FSHR: variants seen among roughly 807,000 people sequenced by gnomAD.
FSHR encodes the protein follicle-stimulating hormone receptor.
In FSHR, 46 loss-of-function variants were observed where a neutral mutation model predicts 52.1. That is an observed-to-expected ratio of 0.88 (90% CI 0.70 to 1.13). The LOEUF is 1.13. Ranked by LOEUF, FSHR falls within the 50% of genes most tolerant of loss-of-function variation. FSHR has a pLI of 0.00. For synonymous variants in FSHR, 399 were observed against 309.6 expected (o/e 1.29, Z -3.03); for missense variants, 964 against 834.6 (o/e 1.16, Z -1.91).
chr2:48,967,861 G>A (rs1018491787), intron 9 of FSHR, among the ~76,000 whole-genome samples: 2 of 152,330 alleles, frequency 1.3e-5, no homozygotes, highest in African/African-American at 4.8e-5. Flanking sequence ...ATTAGTTCTA[G>A]GCTAGTATAT....
At chr2:49,115,717 G>A (rs1266750380) in intron 1 of FSHR, among the ~76,000 whole-genome samples, 1 of 152,180 alleles carries the variant, frequency 6.6e-6, no homozygotes, top group Non-Finnish European at 1.5e-5. Context: ...TGCATCATTA[G>A]TAAGAATCAG....
At chr2:49,102,758 C>G (rs542226832) in intron 1 of FSHR, among the ~76,000 whole-genome samples, 1 of 151,732 alleles carries the variant, frequency 6.6e-6, no homozygotes, top group Admixed American at 6.6e-5. Flanking sequence ...GAGTTGTATC[C>G]GAAATAATAA....
chr2:49,007,349 G>T (rs1458778985), intron 4 of FSHR, among the ~76,000 whole-genome samples: 1 of 152,080 alleles, frequency 6.6e-6, no homozygotes, highest in African/African-American at 2.4e-5. Context: ...TGTGTGGATT[G>T]TTGAGGTTCA....
chr2:49,033,218 T>A (rs1446764650), intron 2 of FSHR, among the ~76,000 whole-genome samples: 1 of 152,118 alleles, frequency 6.6e-6, no homozygotes, highest in Non-Finnish European at 1.5e-5. Context: ...TAAAGAGAGC[T>A]AGAGATGTGC....
intron 1 of FSHR, among the ~76,000 whole-genome samples, chr2:49,118,005 C>A (rs193059641): frequency 5.9e-5 from 9 of 152,316 alleles, no homozygotes; most frequent in African/African-American, 1.2e-4. Flanking sequence ...GAACTACAAA[C>A]TGGTGTATGG....
intron 2 of FSHR, among the ~76,000 whole-genome samples, chr2:49,022,214 C>G (rs1366376575): frequency 1.3e-5 from 2 of 152,018 alleles, no homozygotes; most frequent in East Asian, 1.9e-4. Context: ...GACATATGTC[C>G]TTGCCGAAGT....
chr2:49,068,361 T>C (rs924240401), intron 1 of FSHR, 71 bp from the exon 2 acceptor site: 1 of 1,275,372 alleles, frequency 7.8e-7, no homozygotes. Flanking sequence ...AATGTATTCA[T>C]ATCAGCAAAC....
chr2:49,098,994 C>T (rs551957918), intron 1 of FSHR, among the ~76,000 whole-genome samples: 175 of 151,134 alleles, frequency 1.2e-3, no homozygotes, highest in African/African-American at 4.0e-3. Context: ...CAGGACTTGG[C>T]GATTCATTTG....
rs541389278 is a variant in FSHR at position 49,051,367 on chromosome 2, A to T, written c.224+16852T>A. ...AGTAACCTACTATTATCAGCTTTTA[A>T]TTTTGGCCATTTTAATGGGTATGTA... On this transcript the variant is annotated intron_variant, in intron 2 of 9. Coordinates refer to ENST00000406846, the MANE Select transcript of FSHR (RefSeq NM_000145.4). 7.9e-5 allele frequency among the ~76,000 whole-genome samples: 12 copies of T among 152,176 alleles called. No individual in the cohort carries two copies. In the South Asian group the frequency reaches 1.7e-3, roughly 21 times the overall value.
chr2:49,088,198 G>A (rs555965423), intron 1 of FSHR, among the ~76,000 whole-genome samples: 1 of 152,156 alleles, frequency 6.6e-6, no homozygotes, highest in African/African-American at 2.4e-5. Context: ...GTGGTGCAGA[G>A]GGATAAGAGA....
chr2:49,028,426 A>G (rs1319395868), intron 2 of FSHR, among the ~76,000 whole-genome samples: 1 of 152,208 alleles, frequency 6.6e-6, no homozygotes, highest in East Asian at 1.9e-4. Flanking sequence ...TAGCCTTATC[A>G]TTGCCCAGTC....
chr2:49,038,449 G>A (rs944747287), intron 2 of FSHR, among the ~76,000 whole-genome samples: 1 of 151,624 alleles, frequency 6.6e-6, no homozygotes, highest in African/African-American at 2.4e-5. Flanking sequence ...GTGAAACCCC[G>A]TCTCTACTAA....
Position 49,018,104 on chromosome 2 carries a change from A to T in FSHR, c.300-541T>A, listed in dbSNP as rs368296167. On this transcript the variant is annotated intron_variant, in intron 3 of 9. Transcript: ENST00000406846. Reference sequence around the variant, plus strand: ...AGAGAGTGAAATGGCAAAGAAAAAGAAAGTTGGGAGAAAAACAATCGATAT... The same window carrying T: ...AGAGAGTGAAATGGCAAAGAAAAAGTAAGTTGGGAGAAAAACAATCGATAT... 1.6e-3 allele frequency among the ~76,000 whole-genome samples: 237 copies of T among 152,336 alleles called. 5 individuals are homozygous for T. The South Asian group carries it at 0.037, about 24-fold the overall frequency.
At chr2:49,053,276 C>G (rs183649367) in intron 2 of FSHR, among the ~76,000 whole-genome samples, 192 of 152,308 alleles carry the variant, frequency 1.3e-3, no homozygotes, top group Non-Finnish European at 2.4e-3. Context: ...GCATATTCAT[C>G]ATGCTCCTAT....
intron 2 of FSHR, among the ~76,000 whole-genome samples, chr2:49,020,376 C>G (rs1200541569): frequency 6.6e-6 from 1 of 152,152 alleles, no homozygotes; most frequent in East Asian, 1.9e-4. Context: ...GGCTGTGGCT[C>G]ACCTTGGAGA....
intron 1 of FSHR, among the ~76,000 whole-genome samples, chr2:49,133,209 C>T (rs762609477): frequency 2.0e-5 from 3 of 152,146 alleles, no homozygotes; most frequent in Non-Finnish European, 2.9e-5. Flanking sequence ...TCCTGTGCAA[C>T]AGCATTTAAC....
At chr2:48,997,446 A>G in intron 4 of FSHR, 1 of 926,828 alleles carries the variant, frequency 1.1e-6, no homozygotes, top group Non-Finnish European at 1.3e-6. Context: ...GTTCGGACCT[A>G]GCATCCTAGA....
intron 4 of FSHR, among the ~76,000 whole-genome samples, chr2:48,994,294 T>C (rs147801328): frequency 6.6e-6 from 1 of 152,182 alleles, no homozygotes; most frequent in Non-Finnish European, 1.5e-5. Context: ...GAATTCATGA[T>C]TGCTCAATAA....
intron 1 of FSHR, among the ~76,000 whole-genome samples, chr2:49,117,453 T>TGG (rs1453072591): frequency 6.6e-6 from 1 of 152,216 alleles, no homozygotes; most frequent in African/African-American, 2.4e-5. Flanking sequence ...AGTTTCTAAG[T>TGG]GGATAGTCAT....
Sources: allele counts gnomAD v4.1 joint callset (sites outside exome capture counted in the v4.1 genomes callset), GRCh38; gene constraint gnomAD v4.1.1; transcripts MANE v1.5; gene names NCBI Gene and HGNC (gene_info 2026-07-23, HGNC 2026-07-21).